TTC7A: variants seen among roughly 807,000 people sequenced by gnomAD.
The protein encoded by TTC7A is tetratricopeptide repeat protein 7A.
A neutral mutation model predicts 103.7 loss-of-function variants in TTC7A; 110 were observed. That is an observed-to-expected ratio of 1.06 (90% CI 0.91 to 1.24). TTC7A has a LOEUF of 1.24. Ranked by LOEUF, TTC7A falls within the 50% of genes most tolerant of loss-of-function variation. The pLI, the probability that TTC7A is intolerant of heterozygous loss-of-function variation, is 0.00. For missense variants in TTC7A, 1,340 were observed against 1,116.3 expected (o/e 1.20, Z -2.86); for synonymous variants, 521 against 467.9 (o/e 1.11, Z -1.47).
intron 18 of TTC7A, among the ~76,000 whole-genome samples, chr2:47,057,711 C>A (rs769492211): frequency 6.6e-6 from 1 of 152,160 alleles, no homozygotes; most frequent in Admixed American, 6.5e-5. Flanking sequence ...CTCTCGTGAC[C>A]CTGGGGGATT....
In TTC7A at chr2:46,933,044, CTG is replaced by C. The variant is rs201391208; in HGVS notation, c.82+15768_82+15769del. Among the ~76,000 whole-genome samples the C allele has an allele frequency of 4.9e-3, 748 of 152,306 alleles. 5 individuals are homozygous for C. Among genetic ancestry groups the C allele is most frequent in the African/African-American group, 0.017 (716 of 41,554 alleles). On this transcript the variant is annotated intron_variant, in intron 2 of 20. Coordinates refer to the TTC7A transcript ENST00000409245. ...CCAGCTAAGCTGCACTGAAAAGGCT[CTG>C]AGCCCTTGTGGGTTGGGATGGCTTC...
chr2:47,036,186 A>G (rs61137538), intron 15 of TTC7A, among the ~76,000 whole-genome samples: 3,236 of 152,278 alleles, frequency 0.021, 101 homozygotes, highest in African/African-American at 0.074. Flanking sequence ...TAAGAATGCC[A>G]TGTAACCCTG....
intron 16 of TTC7A, among the ~76,000 whole-genome samples, chr2:47,049,407 G>T (rs1036337530): frequency 6.6e-6 from 1 of 152,020 alleles, no homozygotes; most frequent in African/African-American, 2.4e-5. Flanking sequence ...AGGGTTGGGG[G>T]ACAAGATGGG....
At chr2:47,047,930 A>G (rs7425957) in intron 16 of TTC7A, among the ~76,000 whole-genome samples, 1 of 152,164 alleles carries the variant, frequency 6.6e-6, no homozygotes, top group African/African-American at 2.4e-5. Context: ...TATTGGATCC[A>G]GGCTCCTGGT....
intron 11 of TTC7A, among the ~76,000 whole-genome samples, chr2:47,013,912 G>A (rs1678340628): frequency 6.6e-6 from 1 of 152,200 alleles, no homozygotes; most frequent in Admixed American, 6.5e-5. Context: ...ACAGGCCAGA[G>A]TGATGTCCCA....
intron 10 of TTC7A, among the ~76,000 whole-genome samples, chr2:47,008,411 C>T (rs1677657332): frequency 6.6e-6 from 1 of 152,228 alleles, no homozygotes; most frequent in South Asian, 2.1e-4. Context: ...TCTTCTGCCT[C>T]TGACTAGCTG....
At chr2:47,013,668 G>A (rs2104499809) in intron 11 of TTC7A, among the ~76,000 whole-genome samples, 1 of 152,350 alleles carries the variant, frequency 6.6e-6, no homozygotes, top group African/African-American at 2.4e-5. Context: ...CATAATTACA[G>A]TAATTATGTG....
chr2:47,072,893 G>A (rs1367985379), intron 19 of TTC7A, among the ~76,000 whole-genome samples: 1 of 152,218 alleles, frequency 6.6e-6, no homozygotes. Flanking sequence ...GAGGGGACAA[G>A]GTGCCAGTTT....
upstream of TTC7A, chr2:46,916,146 C>T (rs1352010208): frequency 1.3e-5 from 13 of 985,556 alleles, no homozygotes; most frequent in Non-Finnish European, 1.4e-5. Flanking sequence ...GCTCCCAACT[C>T]CGCTCACCCC....
chr2:47,009,573 C>G (rs934029955), intron 10 of TTC7A, among the ~76,000 whole-genome samples: 1 of 152,104 alleles, frequency 6.6e-6, no homozygotes, highest in Non-Finnish European at 1.5e-5. Context: ...TGGAGGGAGG[C>G]GGGGTGTCCA....
chr2:46,924,927 C>G (rs886796047), intron 2 of TTC7A, among the ~76,000 whole-genome samples: 1 of 152,204 alleles, frequency 6.6e-6, no homozygotes, highest in Non-Finnish European at 1.5e-5. Context: ...CTGCCACAGC[C>G]TTCATTGGAT....
In TTC7A at chr2:46,994,386, G is replaced by C. The variant is rs113997845; in HGVS notation, c.873G>C (p.Leu291=). Residue 291 remains leucine (L), a synonymous_variant, in exon 7 of 20, where the codon CTG becomes CTC. Transcript: ENST00000319190. ...CGGCCAAGCACCTGGCGGGGGTCCT[G>C]CTGCACTCCCTGAGTGAGGAGTGCT... ...VMAAKHLAGV[L]LHSLSEECYW... is the part of the protein sequence containing the mutation. 15,773 of 1,613,746 alleles carry C rather than the reference G, an allele frequency of 9.8e-3. 95 individuals are homozygous for C. The highest frequency in any genetic ancestry group is 0.012 in the Non-Finnish European group (14,368 of 1,179,800).
chr2:46,932,210 C>T (rs982326396), intron 2 of TTC7A, among the ~76,000 whole-genome samples: 8 of 150,322 alleles, frequency 5.3e-5, no homozygotes, highest in Admixed American at 1.3e-4. Context: ...AGTGCAGTGG[C>T]GGGGTCTTGG....
intron 18 of TTC7A, 127 bp from the exon 19 acceptor site, chr2:47,060,642 C>G (rs1340251887): frequency 6.2e-6 from 5 of 808,714 alleles, no homozygotes; most frequent in Non-Finnish European, 7.9e-6. Context: ...GTGTCCCATG[C>G]TGTGATTTGG....
intron 3 of TTC7A, among the ~76,000 whole-genome samples, chr2:46,973,147 A>G (rs543967228): frequency 1.3e-5 from 2 of 152,310 alleles, no homozygotes; most frequent in East Asian, 3.9e-4. Flanking sequence ...CCCATGTCCA[A>G]TCCTGTTCCC....
chr2:47,005,824 G>A, intron 8 of TTC7A, 98 bp from the exon 9 acceptor site: 1 of 1,408,506 alleles, frequency 7.1e-7, no homozygotes, highest in Non-Finnish European at 9.8e-7. Context: ...GTGGCAAAAA[G>A]GTGATAGCGG....
chr2:46,997,975 G>A (rs1290487568), intron 8 of TTC7A, among the ~76,000 whole-genome samples: 5 of 152,090 alleles, frequency 3.3e-5, no homozygotes. Flanking sequence ...GGGTTTTCCT[G>A]AGTATGCGAT....
Position 47,028,458 on chromosome 2 carries a change from C to A in TTC7A, c.1642-766C>A, listed in dbSNP as rs557939679. 1.5e-3 allele frequency among the ~76,000 whole-genome samples: 227 copies of A among 152,332 alleles called. 2 individuals carry two copies. The highest frequency in any genetic ancestry group is 5.2e-3 in the African/African-American group (216 of 41,568). ...ATGCTGCACCAGCCCCTCCTGGGCT[C>A]ACTGACTGGGCTACTGGAGCAGCTG... is the stretch of plus-strand genomic sequence containing the variant. On this transcript the variant is annotated intron_variant, in intron 14 of 19. Transcript: ENST00000319190.
In TTC7A at chr2:47,052,550, G is replaced by A. The variant is rs1298266336; in HGVS notation, c.2152+670G>A. Reference sequence around the variant, plus strand: ...GGAGGAAGAGGCAGCATGGCCCCACGGACAGCGAGTGTCTTAACACCGGCT... The same window carrying A: ...GGAGGAAGAGGCAGCATGGCCCCACAGACAGCGAGTGTCTTAACACCGGCT... On this transcript the variant is annotated intron_variant, in intron 18 of 19. Coordinates refer to ENST00000319190, the MANE Select transcript of TTC7A (RefSeq NM_020458.4). 1.3e-5 allele frequency among the ~76,000 whole-genome samples: 2 copies of A among 152,198 alleles called. 1 individual carries two copies. The highest frequency in any genetic ancestry group is 4.1e-4 in the South Asian group (2 of 4,826).
Sources: gnomAD v4.1 joint callset for allele counts (sites outside exome capture counted in the v4.1 genomes callset) on GRCh38, gnomAD v4.1.1 for gene constraint, MANE v1.5 for transcripts, NCBI Gene and HGNC (gene_info 2026-07-23, HGNC 2026-07-21) for gene names.